DAPK1: variants seen among roughly 807,000 people sequenced by gnomAD.
The protein encoded by DAPK1 is death-associated protein kinase 1.
A neutral mutation model predicts 144.9 loss-of-function variants in DAPK1; 56 were observed. The ratio of observed to expected loss-of-function variants is 0.39; its 90% confidence interval spans 0.31 to 0.48. The LOEUF (loss-of-function observed/expected upper bound fraction) is 0.48. Ranked by LOEUF, DAPK1 falls within the 20% of genes least tolerant of loss-of-function variation. The probability of loss-of-function intolerance (pLI) is 0.95; values close to 1 mark genes in which losing one functional copy is unlikely to be tolerated. For synonymous variants in DAPK1, 690 were observed against 749.0 expected, an observed-to-expected ratio of 0.92 and a Z score of 1.29; for missense variants, 1,454 against 1,875.4, an observed-to-expected ratio of 0.78 and a Z score of 4.15.
chr9:87,595,578 T>G (rs1421953932), intron 2 of DAPK1, among the ~76,000 whole-genome samples: 1 of 152,226 alleles, frequency 6.6e-6, no homozygotes, highest in Admixed American at 6.5e-5. Flanking sequence ...GCATATTTGG[T>G]TTCCTTGTCC....
At position 87,577,415 on chromosome 9, in the gene DAPK1, A is replaced by G. The variant is rs575177969; in HGVS notation, c.63-27539A>G. The stretch of plus-strand genomic sequence containing the variant: ...TGAATCTTAGACTTCCCTGAGGAAC[A>G]TTTTAAAATACGAAAGCCAGGGTCC... On this transcript the variant is annotated intron_variant, in intron 2 of 25. Coordinates refer to ENST00000408954, the MANE Select transcript of DAPK1 (RefSeq NM_004938.4). Among the ~76,000 whole-genome samples, 7 of 152,310 alleles carry G rather than the reference A, an allele frequency of 4.6e-5. No individual in the cohort carries two copies. In the East Asian group the frequency reaches 1.4e-3, roughly 29 times the overall value.
intron 2 of DAPK1, among the ~76,000 whole-genome samples, chr9:87,506,493 C>T (rs868124720): frequency 9.2e-5 from 14 of 152,174 alleles, no homozygotes; most frequent in Non-Finnish European, 1.3e-4. Flanking sequence ...TTAGAAAACT[C>T]CAAAAACACT....
intron 2 of DAPK1, among the ~76,000 whole-genome samples, chr9:87,564,943 A>G (rs1480306649): frequency 6.6e-6 from 1 of 152,194 alleles, no homozygotes; most frequent in Non-Finnish European, 1.5e-5. Flanking sequence ...GAAGAGGAAG[A>G]GCTGATAGCC....
intron 3 of DAPK1, among the ~76,000 whole-genome samples, chr9:87,629,595 C>T (rs1829598925): frequency 6.6e-6 from 1 of 152,088 alleles, no homozygotes; most frequent in Non-Finnish European, 1.5e-5. Flanking sequence ...CCTGGGTGGT[C>T]TCAAACTTGG....
intron 19 of DAPK1, among the ~76,000 whole-genome samples, chr9:87,670,583 A>G (rs1587830903): frequency 6.6e-6 from 1 of 152,032 alleles, no homozygotes; most frequent in Non-Finnish European, 1.5e-5. Flanking sequence ...CTGCAAACCC[A>G]CCTGCAGCAC....
intron 2 of DAPK1, among the ~76,000 whole-genome samples, chr9:87,556,239 C>A (rs1826708258): frequency 1.3e-5 from 2 of 152,158 alleles, no homozygotes; most frequent in African/African-American, 4.8e-5. Flanking sequence ...TCCTGTGTTA[C>A]CTCATTTAAT....
At chr9:87,573,813 T>C (rs1319824830) in intron 2 of DAPK1, among the ~76,000 whole-genome samples, 4 of 152,256 alleles carry the variant, frequency 2.6e-5, no homozygotes, top group Non-Finnish European at 1.5e-5. Flanking sequence ...TAATGAGAGC[T>C]CATCTTTGAT....
chr9:87,525,188 A>C (rs1825447965), intron 2 of DAPK1: 8 of 750,098 alleles, frequency 1.1e-5, no homozygotes, highest in Middle Eastern at 3.5e-4. Context: ...GTGTGTTTGG[A>C]TGAGTACCAG....
chr9:87,499,811 T>C (rs1172089736), intron 2 of DAPK1, among the ~76,000 whole-genome samples: 1 of 152,230 alleles, frequency 6.6e-6, no homozygotes, highest in Non-Finnish European at 1.5e-5. Context: ...AATCTTTCAG[T>C]TTCTAGGTAA....
intron 3 of DAPK1, among the ~76,000 whole-genome samples, chr9:87,627,961 GAC>G (rs1397275062): frequency 1.3e-5 from 2 of 152,184 alleles, no homozygotes; most frequent in Admixed American, 6.5e-5. Flanking sequence ...CCATTTTCTG[GAC>G]ATGGAAACTG....
chr9:87,683,719 C>T (rs984222684), intron 20 of DAPK1, among the ~76,000 whole-genome samples: 1 of 152,158 alleles, frequency 6.6e-6, no homozygotes, highest in Non-Finnish European at 1.5e-5. Flanking sequence ...AAGGGTGGCT[C>T]TGGGTGACCC....
chr9:87,701,697 C>T (rs1040910284), intron 24 of DAPK1: 1 of 327,774 alleles, frequency 3.1e-6, no homozygotes, highest in Non-Finnish European at 6.3e-6. Flanking sequence ...CCCTCTCTTA[C>T]CTTTGAAGCT....
intron 3 of DAPK1, among the ~76,000 whole-genome samples, chr9:87,625,424 C>T (rs1317101170): frequency 6.6e-6 from 1 of 152,214 alleles, no homozygotes; most frequent in Non-Finnish European, 1.5e-5. Context: ...ACCACATGGC[C>T]AGTCTCCAGC....
intron 2 of DAPK1, among the ~76,000 whole-genome samples, chr9:87,504,060 G>A (rs897027290): frequency 1.6e-4 from 24 of 152,132 alleles, no homozygotes; most frequent in Admixed American, 1.3e-3. Flanking sequence ...ACCCTGTGTG[G>A]CTCATAGAAG....
intron 21 of DAPK1, among the ~76,000 whole-genome samples, chr9:87,687,171 C>T (rs1168749384): frequency 6.6e-6 from 1 of 152,126 alleles, no homozygotes; most frequent in Non-Finnish European, 1.5e-5. Flanking sequence ...TTGAAAAATA[C>T]AACGCATTGT....
At chr9:87,593,581 G>T (rs1447184444) in intron 2 of DAPK1, among the ~76,000 whole-genome samples, 2 of 152,146 alleles carry the variant, frequency 1.3e-5, no homozygotes, top group African/African-American at 4.8e-5. Context: ...ACCAAGCTCT[G>T]TCCTTTCTCT....
intron 2 of DAPK1, among the ~76,000 whole-genome samples, chr9:87,510,706 G>A (rs1188459738): frequency 6.6e-6 from 1 of 152,196 alleles, no homozygotes; most frequent in Non-Finnish European, 1.5e-5. Flanking sequence ...TTATTTCGTT[G>A]CCTTATAAAG....
intron 2 of DAPK1, among the ~76,000 whole-genome samples, chr9:87,583,869 G>A (rs1453335543): frequency 6.6e-6 from 1 of 152,114 alleles, no homozygotes; most frequent in African/African-American, 2.4e-5. Context: ...CAGTTCATGG[G>A]GTTGGAGGTG....
At chr9:87,645,860 G>A (rs781100408) in intron 11 of DAPK1, 35 bp from the exon 12 acceptor site, 4 of 1,609,998 alleles carry the variant, frequency 2.5e-6, no homozygotes, top group South Asian at 2.2e-5. Context: ...GGCTAGCAAT[G>A]TAACTCTGTT....
Sources: gnomAD v4.1 joint callset for allele counts (sites outside exome capture counted in the v4.1 genomes callset) on GRCh38, gnomAD v4.1.1 for gene constraint, MANE v1.5 for transcripts, NCBI Gene and HGNC (gene_info 2026-07-23, HGNC 2026-07-21) for gene names.